CFAP52: variants seen among roughly 807,000 people sequenced by gnomAD.
The protein encoded by CFAP52 is cilia- and flagella-associated protein 52.
In CFAP52, 57 loss-of-function variants were observed where a neutral mutation model predicts 70.5. The observed-to-expected ratio is 0.81, with a 90% CI of 0.65 to 1.01. The LOEUF (loss-of-function observed/expected upper bound fraction) is 1.01, where lower values mean the gene tolerates loss of function less well. Ranked by LOEUF, CFAP52 falls within the 50% of genes least tolerant of loss-of-function variation. The pLI, the probability that CFAP52 is intolerant of heterozygous loss-of-function variation, is 0.00. For missense variants in CFAP52, 785 were observed against 788.5 expected, an observed-to-expected ratio of 1.00 and a Z score of 0.05; for synonymous variants, 267 against 292.5, an observed-to-expected ratio of 0.91 and a Z score of 0.89.
chr17:9,597,561 T>A (rs1265763593), intron 4 of CFAP52: 1 of 152,086 alleles, frequency 6.6e-6, no homozygotes, highest in African/African-American at 2.4e-5. Flanking sequence ...TCCCAGCACT[T>A]TGGGAGGCTG....
chr17:9,638,241 C>T (rs1229369322), intron 11 of CFAP52, among the ~76,000 whole-genome samples: 5 of 152,196 alleles, frequency 3.3e-5, no homozygotes, highest in Non-Finnish European at 7.3e-5. Flanking sequence ...CAAATGGTGG[C>T]CTCAGGACTC....
chr17:9,641,569 A>G (rs1331455755), intron 12 of CFAP52, among the ~76,000 whole-genome samples, 155 bp from the exon 13 acceptor site: 2 of 152,080 alleles, frequency 1.3e-5, no homozygotes, highest in African/African-American at 4.8e-5. Flanking sequence ...TGGTTTTGCC[A>G]CCCCCTGCTG....
At position 9,586,731 on chromosome 17, in the gene CFAP52, G is replaced by C. The variant is rs751394782; in HGVS notation, c.304G>C (p.Glu102Gln). The C allele has an allele frequency of 1.9e-6, 3 of 1,613,592 alleles. No homozygotes were observed. Among genetic ancestry groups the C allele is most frequent in the African/African-American group, 1.3e-5 (1 of 74,978 alleles). Reference protein sequence around the residue: ...DIILWDYKNRELLARLSLHKG... With the variant: ...DIILWDYKNRQLLARLSLHKG... The stretch of plus-strand genomic sequence containing the variant: ...CATTTTGTGGGATTATAAGAACAGA[G>C]AGCTGCTTGCTCGGCTGTCCCTTCA... The change falls in exon 3 of 14, where the codon GAG becomes CAG. Residue 102 changes from glutamate (E) to glutamine (Q), a missense_variant. Glu to Gln is a conservative substitution (Grantham distance 29, BLOSUM62 2). Transcript: ENST00000352665.
chr17:9,586,915 G>A, intron 3 of CFAP52, 81 bp downstream of exon 3: 2 of 1,426,998 alleles, frequency 1.4e-6, no homozygotes, highest in South Asian at 1.5e-5. Context: ...GTGCAGGTTT[G>A]TTATATAGGT....
At chr17:9,577,157 G>A (rs973351308) in intron 1 of CFAP52, among the ~76,000 whole-genome samples, 3 of 152,240 alleles carry the variant, frequency 2.0e-5, no homozygotes, top group African/African-American at 7.2e-5. Context: ...ACAGAAGGAT[G>A]CTGTCTGTGT....
At chr17:9,624,444 G>T (rs1432225470) in intron 8 of CFAP52, among the ~76,000 whole-genome samples, 1 of 151,812 alleles carries the variant, frequency 6.6e-6, no homozygotes, top group Non-Finnish European at 1.5e-5. Context: ...ATCTGTCATT[G>T]AGTCCACCTA....
intron 10 of CFAP52, among the ~76,000 whole-genome samples, chr17:9,634,440 T>A (rs9897757): frequency 9.0e-4 from 136 of 151,870 alleles, no homozygotes; most frequent in African/African-American, 3.1e-3. Context: ...AGCTCAGGAG[T>A]TTGAGACCAG....
chr17:9,593,945 A>AT (rs1338760211), intron 3 of CFAP52, among the ~76,000 whole-genome samples: 2 of 152,252 alleles, frequency 1.3e-5, no homozygotes, highest in Admixed American at 1.3e-4. Context: ...AGCCTGGGCA[A>AT]CAAGAGTGAA....
chr17:9,601,076 G>C (rs996835616), intron 6 of CFAP52, among the ~76,000 whole-genome samples: 4 of 152,008 alleles, frequency 2.6e-5, no homozygotes, highest in African/African-American at 9.7e-5. Flanking sequence ...GGAATACTAT[G>C]CAGCCATAAA....
chr17:9,596,185 T>TAGA, intron 4 of CFAP52, among the ~76,000 whole-genome samples: 1 of 149,778 alleles, frequency 6.7e-6, no homozygotes, highest in Non-Finnish European at 1.5e-5. Flanking sequence ...CTGCAACCTC[T>TAGA]GCCTCCCGGG....
chr17:9,589,240 A>G lies in CFAP52; in HGVS notation c.407+2406A>G, dbSNP rs537494512. On this transcript the variant is annotated intron_variant, in intron 3 of 13. Coordinates refer to ENST00000352665, the MANE Select transcript of CFAP52 (RefSeq NM_145054.5). ...TTTGTGTGGGATTTAATACTTCAGT[A>G]CACTTCTATGTATATTTTCTTATTT... Among the ~76,000 whole-genome samples, 32 of 152,356 alleles carry G rather than the reference A, an allele frequency of 2.1e-4. 1 individual carries two copies. Among genetic ancestry groups the G allele is most frequent in the African/African-American group, 7.5e-4 (31 of 41,586 alleles).
chr17:9,595,291 G>T lies in CFAP52; in HGVS notation c.536+970G>T, dbSNP rs372259143. Among the ~76,000 whole-genome samples, 45 of 152,156 alleles carry T rather than the reference G, an allele frequency of 3.0e-4. 1 individual carries two copies. The highest frequency in any genetic ancestry group is 1.9e-3 in the East Asian group (10 of 5,186). On this transcript the variant is annotated intron_variant, in intron 4 of 13. Coordinates refer to ENST00000352665, the MANE Select transcript of CFAP52 (RefSeq NM_145054.5). ...CATCTTGGAAAGGTACACATGGTTGGTTACTTTTCCAGCTAGAGAAGAGAA... is the reference window on the plus strand; with the variant it reads ...CATCTTGGAAAGGTACACATGGTTGTTTACTTTTCCAGCTAGAGAAGAGAA...
chr17:9,589,140 A>T (rs1257699146), intron 3 of CFAP52, among the ~76,000 whole-genome samples: 1 of 152,144 alleles, frequency 6.6e-6, no homozygotes, highest in Non-Finnish European at 1.5e-5. Flanking sequence ...ATTAGGAAGA[A>T]CAATCAATGC....
intron 8 of CFAP52, among the ~76,000 whole-genome samples, chr17:9,626,147 A>G (rs1363053981): frequency 6.6e-6 from 1 of 152,200 alleles, no homozygotes; most frequent in Non-Finnish European, 1.5e-5. Flanking sequence ...ACTAAGAACA[A>G]TCTACCACTT....
rs1477012984 is a variant in CFAP52 at position 9,608,210 on chromosome 17, A to C, written c.845A>C (p.Lys282Thr). The C allele has an allele frequency of 1.2e-6, 2 of 1,606,216 alleles. No homozygotes were observed. The highest frequency in any genetic ancestry group is 2.7e-5 in the African/African-American group (2 of 74,832). Residue 282 changes from lysine (K) to threonine (T), a missense_variant, in exon 7 of 14, where the codon AAA becomes ACA. Coordinates refer to ENST00000352665, the MANE Select transcript of CFAP52 (RefSeq NM_145054.5). ...GTCTTCTGTAAAAGCCCTGGCTACAAACCCATCAAGTAAGTTCCGGGTCTC... is the reference window on the plus strand; with the variant it reads ...GTCTTCTGTAAAAGCCCTGGCTACACACCCATCAAGTAAGTTCCGGGTCTC... The part of the protein sequence containing the change: ...LLVFCKSPGY[K>T]PIKKIQLQGG...
intron 9 of CFAP52, among the ~76,000 whole-genome samples, chr17:9,631,087 A>G (rs1235005098): frequency 1.0e-4 from 15 of 144,064 alleles, no homozygotes; most frequent in African/African-American, 3.8e-4. Context: ...AGAAAGAGAA[A>G]GAAAGAAAGA....
intron 8 of CFAP52, among the ~76,000 whole-genome samples, chr17:9,622,544 TAAA>T (rs766869580): frequency 4.1e-5 from 6 of 146,428 alleles, no homozygotes; most frequent in Non-Finnish European, 6.0e-5. Flanking sequence ...CTGTTTCTAT[TAAA>T]AAAAAAAGAA....
At chr17:9,584,284 G>A (rs1908347700) in intron 1 of CFAP52, 1 of 1,287,454 alleles carries the variant, frequency 7.8e-7, no homozygotes. Flanking sequence ...GGAAGCAGTA[G>A]TGTTACCTTG....
intron 3 of CFAP52, among the ~76,000 whole-genome samples, chr17:9,590,930 C>CA (rs1159886585): frequency 4.6e-5 from 7 of 150,674 alleles, no homozygotes; most frequent in African/African-American, 9.8e-5. Context: ...GAATGTGTGG[C>CA]AGGGGTTTAT....
Sources: allele counts gnomAD v4.1 joint callset (sites outside exome capture counted in the v4.1 genomes callset), GRCh38; gene constraint gnomAD v4.1.1; transcripts MANE v1.5; gene names NCBI Gene and HGNC (gene_info 2026-07-23, HGNC 2026-07-21).